ASIC2: variants seen among roughly 807,000 people sequenced by gnomAD.
The protein encoded by ASIC2 is acid sensing ion channel subunit 2.
In ASIC2, 25 loss-of-function variants were observed where a neutral mutation model predicts 57.3. That is an observed-to-expected ratio of 0.44 (90% CI 0.32 to 0.61). The LOEUF (loss-of-function observed/expected upper bound fraction) is 0.61. Among genes scored for constraint, ASIC2 ranks in the 20% least tolerant of loss-of-function variants. The pLI is 0.06. For missense variants in ASIC2, 641 were observed against 738.1 expected (o/e 0.87, Z 1.52); for synonymous variants, 319 against 307.5 (o/e 1.04, Z -0.39).
chr17:34,087,317 A>G (rs1322692535), intron 1 of ASIC2, among the ~76,000 whole-genome samples: 1 of 151,958 alleles, frequency 6.6e-6, no homozygotes, highest in Non-Finnish European at 1.5e-5. Context: ...TTGGCTGGAC[A>G]TGAAATTCTG....
intron 3 of ASIC2, among the ~76,000 whole-genome samples, chr17:33,085,119 T>C (rs2092129669): frequency 6.6e-6 from 1 of 152,200 alleles, no homozygotes; most frequent in Non-Finnish European, 1.5e-5. Flanking sequence ...TCAATTTTCC[T>C]AGCATGATTC....
chr17:33,381,000 T>C (rs2141945947), intron 1 of ASIC2, among the ~76,000 whole-genome samples: 1 of 152,288 alleles, frequency 6.6e-6, no homozygotes, highest in African/African-American at 2.4e-5. Context: ...GAGGGATTTG[T>C]ATTTTAAAGA....
chr17:33,112,123 T>G (rs1189627643), intron 1 of ASIC2, 56 bp from the exon 2 acceptor site: 2 of 1,533,380 alleles, frequency 1.3e-6, no homozygotes, highest in Non-Finnish European at 1.8e-6. Context: ...CAGACGGGGG[T>G]CCAGAGATTG....
chr17:33,801,739 C>T (rs1912139202), intron 1 of ASIC2, among the ~76,000 whole-genome samples: 1 of 152,090 alleles, frequency 6.6e-6, no homozygotes, highest in African/African-American at 2.4e-5. Flanking sequence ...TATGATAGCA[C>T]CTGGTTAAAT....
At chr17:33,229,454 G>A (rs907264460) in intron 1 of ASIC2, among the ~76,000 whole-genome samples, 4 of 152,318 alleles carry the variant, frequency 2.6e-5, no homozygotes, top group East Asian at 1.9e-4. Context: ...CTGGCTACAC[G>A]CAGGGCAGAG....
intron 1 of ASIC2, among the ~76,000 whole-genome samples, chr17:33,605,306 A>G (rs1905205006): frequency 6.6e-6 from 1 of 152,260 alleles, no homozygotes; most frequent in African/African-American, 2.4e-5. Context: ...TCTGAGAATG[A>G]CAGTGCTCTC....
intron 3 of ASIC2, among the ~76,000 whole-genome samples, chr17:33,041,601 G>T (rs542742827): frequency 1.3e-5 from 2 of 152,332 alleles, no homozygotes; most frequent in South Asian, 4.1e-4. Context: ...CCAGAACTCG[G>T]GTTCTAACCA....
chr17:33,862,991 C>A (rs781678247), intron 1 of ASIC2, among the ~76,000 whole-genome samples: 5 of 152,210 alleles, frequency 3.3e-5, no homozygotes, highest in Admixed American at 6.5e-5. Context: ...TCTTCCCCTT[C>A]CAGCTTAACC....
intron 1 of ASIC2, among the ~76,000 whole-genome samples, chr17:33,677,462 G>C (rs1425059207): frequency 6.6e-6 from 1 of 152,222 alleles, no homozygotes; most frequent in African/African-American, 2.4e-5. Flanking sequence ...AGCTGCCATA[G>C]ATAGTAATTC....
chr17:33,390,349 T>C (rs1909846028), intron 1 of ASIC2, among the ~76,000 whole-genome samples: 1 of 152,078 alleles, frequency 6.6e-6, no homozygotes, highest in Non-Finnish European at 1.5e-5. Context: ...TTCCCTCTTC[T>C]CTTTTCTTCC....
chr17:33,157,108 G>A (rs987594259), intron 1 of ASIC2, among the ~76,000 whole-genome samples: 1 of 152,102 alleles, frequency 6.6e-6, no homozygotes, highest in Non-Finnish European at 1.5e-5. Context: ...GATGGCACGT[G>A]GTCAAGGCAA....
chr17:33,797,231 C>A (rs538097831), intron 1 of ASIC2, among the ~76,000 whole-genome samples: 9 of 152,188 alleles, frequency 5.9e-5, no homozygotes, highest in African/African-American at 2.2e-4. Flanking sequence ...ACATGATGAG[C>A]AAGAAGAGGT....
intron 1 of ASIC2, among the ~76,000 whole-genome samples, chr17:34,142,215 T>C (rs16969240): frequency 0.11 from 17,162 of 152,090 alleles, 1,056 homozygotes; most frequent in African/African-American, 0.15. Flanking sequence ...CTACACATCA[T>C]AGTGGGCATG....
At chr17:34,104,944 C>T (rs1910991542) in intron 1 of ASIC2, among the ~76,000 whole-genome samples, 1 of 151,924 alleles carries the variant, frequency 6.6e-6, no homozygotes, top group Non-Finnish European at 1.5e-5. Context: ...AAAATCAATT[C>T]ATAAAATGGG....
chr17:33,637,502 A>AT (rs1906411143), intron 1 of ASIC2, among the ~76,000 whole-genome samples: 1 of 152,102 alleles, frequency 6.6e-6, no homozygotes, highest in Non-Finnish European at 1.5e-5. Flanking sequence ...GAATGGGAAG[A>AT]TTTTTTCTCA....
intron 1 of ASIC2, among the ~76,000 whole-genome samples, chr17:34,044,584 G>T (rs1908267823): frequency 6.6e-6 from 1 of 152,172 alleles, no homozygotes; most frequent in African/African-American, 2.4e-5. Flanking sequence ...GAGGAGGACA[G>T]AACTTTTCAA....
At chr17:33,356,595 A>G (rs924508136) in intron 1 of ASIC2, among the ~76,000 whole-genome samples, 13 of 152,130 alleles carry the variant, frequency 8.5e-5, no homozygotes, top group African/African-American at 3.1e-4. Context: ...GGAACTAGAA[A>G]GGCCACCACT....
At chr17:33,517,317 T>C (rs968477329) in intron 1 of ASIC2, among the ~76,000 whole-genome samples, 8 of 152,166 alleles carry the variant, frequency 5.3e-5, no homozygotes, top group African/African-American at 4.8e-5. Context: ...AGTTTCACCA[T>C]GTTGGCCAGG....
chr17:33,857,993 G>A (rs1475257934), intron 1 of ASIC2, among the ~76,000 whole-genome samples: 1 of 152,202 alleles, frequency 6.6e-6, no homozygotes, highest in East Asian at 1.9e-4. Context: ...TGCAGCCTGG[G>A]TTCTAAGTGG....
Sources: gnomAD v4.1 joint callset for allele counts (sites outside exome capture counted in the v4.1 genomes callset) on GRCh38, gnomAD v4.1.1 for gene constraint, MANE v1.5 for transcripts, NCBI Gene and HGNC (gene_info 2026-07-23, HGNC 2026-07-21) for gene names.